Variants in PIK3C2G observed in about 807,000 individuals in gnomAD.
PIK3C2G encodes the protein phosphatidylinositol-4-phosphate 3-kinase catalytic subunit type 2 gamma, also known as phosphatidylinositol 3-kinase C2 domain-containing subunit gamma.
In PIK3C2G, 168 loss-of-function variants were observed where a neutral mutation model predicts 181.1. The ratio of observed to expected loss-of-function variants is 0.93; its 90% CI spans 0.82 to 1.05. The LOEUF is 1.05. Ranked by LOEUF, PIK3C2G falls within the 50% of genes least tolerant of loss-of-function variation. The pLI, the probability that PIK3C2G is intolerant of heterozygous loss-of-function variation, is 0.00. For synonymous variants in PIK3C2G, 573 were observed against 592.2 expected, an observed-to-expected ratio of 0.97 and a Z score of 0.47; for missense variants, 1,869 against 1,732.8, an observed-to-expected ratio of 1.08 and a Z score of -1.40.
downstream of PIK3C2G, among the ~76,000 whole-genome samples, chr12:18,648,655 G>T (rs574000414): frequency 2.3e-4 from 35 of 152,064 alleles, no homozygotes; most frequent in African/African-American, 8.4e-4. Context: ...CTGCCACCCA[G>T]AGGCACGATT....
chr12:18,646,129 C>T (rs1246463538), intron 32 of PIK3C2G, among the ~76,000 whole-genome samples: 1 of 152,100 alleles, frequency 6.6e-6, no homozygotes, highest in Admixed American at 6.6e-5. Context: ...TTTTTTAAGG[C>T]AACTCTTAAA....
chr12:18,699,395 G>C, the PIK3C2G span, among the ~76,000 whole-genome samples: 1 of 152,166 alleles, frequency 6.6e-6, no homozygotes, highest in Non-Finnish European at 1.5e-5. Context: ...TTTAGAAATA[G>C]AGTGGATCAT....
intron 28 of PIK3C2G, among the ~76,000 whole-genome samples, chr12:18,565,313 G>C (rs773277278): frequency 6.6e-6 from 1 of 152,118 alleles, no homozygotes; most frequent in Non-Finnish European, 1.5e-5. Flanking sequence ...TCAGCTATTT[G>C]TGTTTCTGGG....
intron 28 of PIK3C2G, among the ~76,000 whole-genome samples, chr12:18,565,316 T>C (rs1042887348): frequency 1.3e-5 from 2 of 152,128 alleles, no homozygotes; most frequent in Non-Finnish European, 2.9e-5. Flanking sequence ...GCTATTTGTG[T>C]TTCTGGGTAA....
intron 18 of PIK3C2G, among the ~76,000 whole-genome samples, chr12:18,448,112 TTAA>T (rs1361379150): frequency 6.6e-6 from 1 of 152,170 alleles, no homozygotes; most frequent in African/African-American, 2.4e-5. Flanking sequence ...GTAGTATTAA[TTAA>T]TAATAATTGT....
At chr12:18,491,190 T>G (rs1169701986) in intron 19 of PIK3C2G, among the ~76,000 whole-genome samples, 1 of 152,120 alleles carries the variant, frequency 6.6e-6, no homozygotes, top group African/African-American at 2.4e-5. Context: ...AGTGCTTTGT[T>G]TGGTTTTTAT....
chr12:18,694,119 G>C, the PIK3C2G span: 1 of 951,614 alleles, frequency 1.1e-6, no homozygotes. Context: ...GCTGCCATCA[G>C]GAAAATGGTT....
chr12:18,477,424 C>T (rs1939113833), intron 18 of PIK3C2G, among the ~76,000 whole-genome samples: 1 of 152,102 alleles, frequency 6.6e-6, no homozygotes, highest in Non-Finnish European at 1.5e-5. Flanking sequence ...TTATACCTGC[C>T]TATAAGGTAC....
At chr12:18,501,393 ACAG>A (rs1399853124) in intron 22 of PIK3C2G, among the ~76,000 whole-genome samples, 1 of 152,168 alleles carries the variant, frequency 6.6e-6, no homozygotes, top group Non-Finnish European at 1.5e-5. Flanking sequence ...TATCATGAGA[ACAG>A]CATGGGGGAA....
intron 12 of PIK3C2G, among the ~76,000 whole-genome samples, chr12:18,366,090 T>C (rs1460815709): frequency 6.6e-6 from 1 of 152,216 alleles, no homozygotes; most frequent in East Asian, 1.9e-4. Flanking sequence ...GCACAGCAGC[T>C]AAAGTTGTCT....
chr12:18,679,399 T>C, the PIK3C2G span, among the ~76,000 whole-genome samples: 2 of 152,074 alleles, frequency 1.3e-5, no homozygotes, highest in Non-Finnish European at 2.9e-5. Context: ...CTATCTGCTT[T>C]CTTCTAGAAG....
intron 30 of PIK3C2G, among the ~76,000 whole-genome samples, chr12:18,600,590 C>T (rs1041404587): frequency 6.6e-6 from 1 of 151,836 alleles, no homozygotes; most frequent in Non-Finnish European, 1.5e-5. Flanking sequence ...GGGAGTAATG[C>T]AAGTACGCAA....
At chr12:18,281,648 G>A (rs972809025) in intron 1 of PIK3C2G, among the ~76,000 whole-genome samples, 18 of 151,986 alleles carry the variant, frequency 1.2e-4, no homozygotes, top group African/African-American at 4.1e-4. Flanking sequence ...TAATATGAAA[G>A]AGACTTTAGC....
In PIK3C2G at chr12:18,346,645, G is replaced by A. The variant is rs1939697166; in HGVS notation, c.1434G>A (p.Leu478=). 1 of 1,592,314 alleles carries A rather than the reference G, an allele frequency of 6.3e-7. No individual in the cohort carries two copies. The highest frequency in any genetic ancestry group is 1.1e-5 in the South Asian group (1 of 88,638). The change falls in exon 11 of 33, where the codon TTG becomes TTA. Residue 478 remains leucine, a synonymous_variant. Transcript: ENST00000538779. ...YQSSETSAKG[L]IEKVTTELST... The stretch of plus-strand genomic sequence containing the variant: ...TCTCTATCTCTTCCTTTCTAGGCTT[G>A]ATAGAGAAGGTAACAACTGAACTAT...
chr12:18,301,514 T>C (rs1427709630), intron 5 of PIK3C2G, among the ~76,000 whole-genome samples: 1 of 152,112 alleles, frequency 6.6e-6, no homozygotes, highest in Admixed American at 6.5e-5. Context: ...TTGTTATATT[T>C]CTTATTTCAT....
intron 18 of PIK3C2G, among the ~76,000 whole-genome samples, chr12:18,480,379 C>G (rs1186196606): frequency 6.6e-6 from 1 of 151,958 alleles, no homozygotes; most frequent in Non-Finnish European, 1.5e-5. Context: ...TCTCTTAAAC[C>G]CCATTATTTG....
chr12:18,417,150 G>A (rs991977906), intron 16 of PIK3C2G, among the ~76,000 whole-genome samples: 1 of 152,152 alleles, frequency 6.6e-6, no homozygotes, highest in African/African-American at 2.4e-5. Context: ...ACTTATAAGT[G>A]AACTAGAATT....
chr12:18,694,989 G>A, the PIK3C2G span: 1 of 1,609,538 alleles, frequency 6.2e-7, no homozygotes, highest in South Asian at 1.1e-5. Context: ...TAAGAAATGT[G>A]GTTTCAAAAT....
intron 16 of PIK3C2G, among the ~76,000 whole-genome samples, chr12:18,417,839 G>A (rs1429032108): frequency 6.6e-6 from 1 of 151,438 alleles, no homozygotes; most frequent in African/African-American, 2.4e-5. Context: ...ATATCTCTGA[G>A]GTATGCCTGT....
Sources: gnomAD v4.1 joint callset for allele counts (sites outside exome capture counted in the v4.1 genomes callset) on GRCh38, gnomAD v4.1.1 for gene constraint, MANE v1.5 for transcripts, NCBI Gene and HGNC (gene_info 2026-07-23, HGNC 2026-07-21) for gene names.